CORO2B: variants seen among roughly 807,000 people sequenced by gnomAD.
The protein encoded by CORO2B is coronin 2B.
Under a neutral mutation model 58.8 loss-of-function variants are expected in CORO2B, and 26 were observed. The observed-to-expected ratio is 0.44, with a 90% CI of 0.32 to 0.61. CORO2B has a LOEUF of 0.61. Among genes scored for constraint, CORO2B ranks in the 20% least tolerant of loss-of-function variants. The pLI, the probability that CORO2B is intolerant of heterozygous loss-of-function variation, is 0.04. For missense variants in CORO2B, 460 were observed against 645.1 expected (o/e 0.71, Z 3.11); for synonymous variants, 242 against 253.8 (o/e 0.95, Z 0.44).
At chr15:68,541,282 TA>T in the CORO2B span, among the ~76,000 whole-genome samples, 1 of 152,112 alleles carries the variant, frequency 6.6e-6, no homozygotes, top group Non-Finnish European at 1.5e-5. Context: ...ATCTTATAAC[TA>T]AGGACCATAA....
At chr15:68,696,856 C>T (rs1159503802) in intron 3 of CORO2B, among the ~76,000 whole-genome samples, 1 of 152,220 alleles carries the variant, frequency 6.6e-6, no homozygotes, top group Non-Finnish European at 1.5e-5. Context: ...AGGAAAATCC[C>T]AGCCTTTTAG....
chr15:68,665,815 C>G (rs201290853), intron 2 of CORO2B, among the ~76,000 whole-genome samples: 1 of 152,094 alleles, frequency 6.6e-6, no homozygotes, highest in East Asian at 1.9e-4. Flanking sequence ...ATAGCTTATA[C>G]TAATTTTCAG....
intron 1 of CORO2B, among the ~76,000 whole-genome samples, chr15:68,613,253 GAGAATAGAAGAACAGAATCC>G (rs1900281016): frequency 6.6e-6 from 1 of 152,172 alleles, no homozygotes; most frequent in Admixed American, 6.5e-5. Flanking sequence ...TACTATGAGA[GAGAATAGAAGAACAGAATCC>G]AGAATAGAAG....
the CORO2B span, among the ~76,000 whole-genome samples, chr15:68,564,837 G>C: frequency 6.6e-6 from 1 of 152,180 alleles, no homozygotes; most frequent in Non-Finnish European, 1.5e-5. Context: ...TTCCCAAATA[G>C]AATGAACAAG....
intron 3 of CORO2B, among the ~76,000 whole-genome samples, chr15:68,702,602 C>T (rs1014705090): frequency 6.6e-6 from 1 of 151,966 alleles, no homozygotes; most frequent in Non-Finnish European, 1.5e-5. Flanking sequence ...TGACAAGAAA[C>T]GGGGAGGAGA....
chr15:68,609,304 C>T (rs1416054330), intron 1 of CORO2B, among the ~76,000 whole-genome samples: 1 of 152,210 alleles, frequency 6.6e-6, no homozygotes, highest in Non-Finnish European at 1.5e-5. Flanking sequence ...TGTTCCCTGT[C>T]TGAGCGTTAT....
At chr15:68,724,404 A>G (rs1459004922) in intron 11 of CORO2B, among the ~76,000 whole-genome samples, 1 of 152,208 alleles carries the variant, frequency 6.6e-6, no homozygotes, top group Non-Finnish European at 1.5e-5. Context: ...ATCTGAAAGC[A>G]AAGTCCTAGT....
At chr15:68,543,703 T>A in the CORO2B span, among the ~76,000 whole-genome samples, 1 of 152,010 alleles carries the variant, frequency 6.6e-6, no homozygotes, top group Non-Finnish European at 1.5e-5. Flanking sequence ...TTCTATCGAC[T>A]CCTATGCCTG....
Position 68,710,944 on chromosome 15 carries a change from A to G in CORO2B, c.483+63A>G, listed in dbSNP as rs2140327086. The G allele has an allele frequency of 3.3e-6, 5 of 1,492,806 alleles. No individual in the cohort carries two copies. Among genetic ancestry groups the G allele is most frequent in the Non-Finnish European group, 4.5e-6 (5 of 1,113,616 alleles). 92.5% of individuals were successfully genotyped at this position (1,492,806 alleles called of 1,614,324 possible). ...GGGAAGAGAAAGGGGCCTTTTGGGT[A>G]CCCGTAGGAAGCACTGTTGCTTCCT... On this transcript the variant is annotated intron_variant, in intron 4 of 11. Transcript: ENST00000261861. The surrounding 1 kb of genome is among the most constrained non-coding windows in gnomAD (Gnocchi z 4.1).
the CORO2B span, among the ~76,000 whole-genome samples, chr15:68,567,215 C>T: frequency 6.6e-6 from 1 of 152,302 alleles, no homozygotes; most frequent in East Asian, 1.9e-4. Flanking sequence ...GATCTAGAAA[C>T]CCTGCTGACA....
chr15:68,543,178 C>A, the CORO2B span, among the ~76,000 whole-genome samples: 1 of 152,156 alleles, frequency 6.6e-6, no homozygotes, highest in Non-Finnish European at 1.5e-5. Context: ...CCCTGGCCTT[C>A]GAGACAGAAG....
chr15:68,641,117 T>C (rs1004099668), intron 1 of CORO2B, among the ~76,000 whole-genome samples: 1 of 152,122 alleles, frequency 6.6e-6, no homozygotes, highest in Admixed American at 6.5e-5. Flanking sequence ...TACCAGCCAC[T>C]GTGGAGAGGC....
chr15:68,562,703 G>A, the CORO2B span, among the ~76,000 whole-genome samples: 6 of 152,072 alleles, frequency 3.9e-5, no homozygotes, highest in Non-Finnish European at 5.9e-5. Flanking sequence ...GGCCAGGCAC[G>A]GTGGCTCATG....
chr15:68,558,167 G>T, the CORO2B span, among the ~76,000 whole-genome samples: 1 of 152,160 alleles, frequency 6.6e-6, no homozygotes, highest in Admixed American at 6.5e-5. Flanking sequence ...GAAGTTGACA[G>T]GTGAGGTTGG....
chr15:68,662,207 A>G (rs1353863808), intron 2 of CORO2B, among the ~76,000 whole-genome samples: 1 of 152,080 alleles, frequency 6.6e-6, no homozygotes, highest in Non-Finnish European at 1.5e-5. Context: ...GCTGATGTTA[A>G]ATTATCTGAC....
chr15:68,614,134 G>T (rs1900301332), intron 1 of CORO2B, among the ~76,000 whole-genome samples: 1 of 152,164 alleles, frequency 6.6e-6, no homozygotes, highest in Non-Finnish European at 1.5e-5. Context: ...CTCTGGGAGT[G>T]GTCCCTAGAA....
chr15:68,606,394 C>T (rs761053123), intron 1 of CORO2B, among the ~76,000 whole-genome samples: 10 of 152,176 alleles, frequency 6.6e-5, no homozygotes, highest in Non-Finnish European at 1.0e-4. Context: ...TTATTCCAAG[C>T]TCCCTGGATA....
At chr15:68,695,395 G>A (rs965690746) in intron 3 of CORO2B, 139 bp downstream of exon 3, 14 of 673,428 alleles carry the variant, frequency 2.1e-5, no homozygotes, top group South Asian at 5.1e-5. Context: ...CAAGCCCCAC[G>A]ATGTGGGGGG....
Position 68,633,032 on chromosome 15 carries a change from T to TA in CORO2B, c.16-12127dup, listed in dbSNP as rs531441227. Among the ~76,000 whole-genome samples, 287 of 152,356 alleles carry TA rather than the reference T, an allele frequency of 1.9e-3. 1 individual carries two copies. Among genetic ancestry groups the TA allele is most frequent in the African/African-American group, 6.3e-3 (263 of 41,588 alleles). ...CTTCTCCATCTCTCTTCCCTCCGCT[T>TA]ATGGCTTCTGCCTCTGCCACCAACT... On this transcript the variant is annotated intron_variant, in intron 1 of 11. Coordinates refer to ENST00000261861, the MANE Select transcript of CORO2B (RefSeq NM_006091.5).
Sources: allele counts gnomAD v4.1 joint callset (sites outside exome capture counted in the v4.1 genomes callset), GRCh38; gene constraint gnomAD v4.1.1; non-coding constraint Gnocchi (gnomAD v3.1); transcripts MANE v1.5; gene names NCBI Gene and HGNC (gene_info 2026-07-23, HGNC 2026-07-21).